The following TNRC6C variants were observed in gnomAD, a reference collection of about 807,000 sequenced individuals.
TNRC6C encodes trinucleotide repeat-containing gene 6C protein.
Under a neutral mutation model 153.7 loss-of-function variants are expected in TNRC6C, and 20 were observed. The observed-to-expected ratio is 0.13, with a 90% CI of 0.09 to 0.19. The LOEUF is 0.19. Ranked by LOEUF, TNRC6C falls within the 10% of genes least tolerant of loss-of-function variation. TNRC6C has a pLI of 1.00. For synonymous variants in TNRC6C, 811 were observed against 841.4 expected (o/e 0.96, Z 0.63); for missense variants, 1,987 against 2,172.0 (o/e 0.91, Z 1.69).
chr17:78,089,460 T>G (rs1185155070), intron 13 of TNRC6C, among the ~76,000 whole-genome samples: 1 of 152,200 alleles, frequency 6.6e-6, no homozygotes, highest in African/African-American at 2.4e-5. Flanking sequence ...TCTTGTTGGC[T>G]CTCAGCATTT....
intron 2 of TNRC6C, 42 bp downstream of exon 4, chr17:78,031,884 CT>C: frequency 8.1e-7 from 1 of 1,231,418 alleles, no homozygotes; most frequent in Non-Finnish European, 1.0e-6. Flanking sequence ...GATCTGAAAA[CT>C]TTGCTATTTT....
chr17:78,000,615 T>TCCCC (rs1410836302), upstream of TNRC6C, among the ~76,000 whole-genome samples: 1 of 13,496 alleles, frequency 7.4e-5, no homozygotes, highest in African/African-American at 2.2e-4. Context: ...TCTTTCTCCC[T>TCCCC]CCGCCCCCCC....
chr17:78,071,496 C>T (rs2072995588), intron 6 of TNRC6C, among the ~76,000 whole-genome samples: 1 of 152,110 alleles, frequency 6.6e-6, no homozygotes, highest in South Asian at 2.1e-4. Flanking sequence ...AGCAGTCCTC[C>T]TGTCTCGGCC....
upstream of TNRC6C, among the ~76,000 whole-genome samples, chr17:77,958,528 C>T (rs989647567): frequency 6.6e-6 from 1 of 151,950 alleles, no homozygotes; most frequent in East Asian, 1.9e-4. Context: ...GAGGGGCGCG[C>T]GGGGGAGGAG....
intron 10 of TNRC6C, among the ~76,000 whole-genome samples, chr17:78,082,236 T>C (rs1261651059): frequency 6.6e-6 from 1 of 151,124 alleles, no homozygotes; most frequent in Non-Finnish European, 1.5e-5. Context: ...GCACTGGATA[T>C]ACCGGCATTT....
At chr17:77,960,151 G>A (rs1016037497) in intron 1 of TNRC6C, among the ~76,000 whole-genome samples, 1 of 152,156 alleles carries the variant, frequency 6.6e-6, no homozygotes, top group Non-Finnish European at 1.5e-5. Context: ...GTAATTAGTG[G>A]AGTTGTCTCA....
intron 16 of TNRC6C, among the ~76,000 whole-genome samples, chr17:78,096,792 CTCT>C (rs1264277200): frequency 6.6e-6 from 1 of 152,216 alleles, no homozygotes; most frequent in Non-Finnish European, 1.5e-5. Flanking sequence ...TCCATCCTCG[CTCT>C]TCTTCTCCAG....
Position 78,060,756 on chromosome 17 carries a change from C to T in TNRC6C, c.2396-3966C>T, listed in dbSNP as rs542084353. 3.9e-5 allele frequency among the ~76,000 whole-genome samples: 6 copies of T among 152,290 alleles called. No individual in the cohort carries two copies. The South Asian group carries it at 1.0e-3, about 26-fold the overall frequency. ...ACAATTGGCCACCTTTTAACTAAAA[C>T]TTTCCTCCCAAAAAGGACTGCCCAT... On this transcript the variant is annotated intron_variant, in intron 3 of 19. Transcript: ENST00000301624.
At chr17:77,997,152 T>A (rs1315137969) in intron 1 of TNRC6C, among the ~76,000 whole-genome samples, 1 of 152,188 alleles carries the variant, frequency 6.6e-6, no homozygotes, top group Non-Finnish European at 1.5e-5. Context: ...CGTGGTCAGT[T>A]CAGGCTGCGG....
intron 1 of TNRC6C, among the ~76,000 whole-genome samples, chr17:78,030,994 G>T (rs2072061378): frequency 6.6e-6 from 1 of 152,136 alleles, no homozygotes; most frequent in Admixed American, 6.5e-5. Context: ...AGCTACTCTG[G>T]AGGCTGAGGC....
intron 16 of TNRC6C, among the ~76,000 whole-genome samples, chr17:78,097,072 G>A (rs770094890): frequency 1.2e-4 from 18 of 152,220 alleles, no homozygotes; most frequent in Admixed American, 3.3e-4. Flanking sequence ...ATCATGAGCC[G>A]GGTGTGGTGG....
intron 1 of TNRC6C, among the ~76,000 whole-genome samples, chr17:78,011,773 C>T (rs922633871): frequency 2.6e-5 from 4 of 152,158 alleles, no homozygotes; most frequent in South Asian, 2.1e-4. Context: ...TCTTTCCCAA[C>T]GTGTTTATAC....
chr17:78,097,289 A>G (rs761773570), intron 16 of TNRC6C, among the ~76,000 whole-genome samples: 1 of 106,470 alleles, frequency 9.4e-6, no homozygotes, highest in Non-Finnish European at 2.3e-5. Context: ...CAGTCAGAAG[A>G]AATACTCAAA....
intron 1 of TNRC6C, among the ~76,000 whole-genome samples, chr17:78,011,502 G>T (rs1344743240): frequency 6.6e-6 from 1 of 152,214 alleles, no homozygotes; most frequent in East Asian, 1.9e-4. Context: ...GCTGTAGTGT[G>T]TATCAGTAGT....
chr17:78,063,269 AAT>A (rs553498675), intron 3 of TNRC6C, among the ~76,000 whole-genome samples: 12 of 147,896 alleles, frequency 8.1e-5, no homozygotes, highest in South Asian at 6.4e-4. Flanking sequence ...ATATATAAAT[AAT>A]ATATATATAT....
intron 1 of TNRC6C, among the ~76,000 whole-genome samples, chr17:78,020,806 A>G (rs756022190): frequency 3.9e-5 from 6 of 152,336 alleles, no homozygotes; most frequent in South Asian, 4.1e-4. Flanking sequence ...ATGTTTTAAT[A>G]CTAAGTACAT....
upstream of TNRC6C, among the ~76,000 whole-genome samples, chr17:78,004,839 C>G (rs1211864775): frequency 6.6e-6 from 1 of 152,048 alleles, no homozygotes; most frequent in Non-Finnish European, 1.5e-5. Flanking sequence ...AAATGAGCTC[C>G]AGATAGAATT....
chr17:77,973,815 A>G (rs1465667870), intron 1 of TNRC6C, among the ~76,000 whole-genome samples: 1 of 152,238 alleles, frequency 6.6e-6, no homozygotes, highest in African/African-American at 2.4e-5. Flanking sequence ...CTGCAAAAAC[A>G]TTGCTGAGAG....
chr17:78,051,562 A>C (rs1270211485), intron 3 of TNRC6C, 114 bp downstream of exon 5: 83 of 1,173,172 alleles, frequency 7.1e-5, no homozygotes, highest in Non-Finnish European at 9.1e-5. Flanking sequence ...ATAGCATTAA[A>C]ATAATTTAAG....
Sources: allele counts gnomAD v4.1 joint callset (sites outside exome capture counted in the v4.1 genomes callset), GRCh38; gene constraint gnomAD v4.1.1; transcripts MANE v1.5; gene names NCBI Gene and HGNC (gene_info 2026-07-23, HGNC 2026-07-21).